XYLT1: variants seen among roughly 807,000 people sequenced by gnomAD.
XYLT1 encodes beta-D-xylosyltransferase 1.
In XYLT1, 36 loss-of-function variants were observed where a neutral mutation model predicts 91.3. That is an observed-to-expected ratio of 0.39 (90% CI 0.30 to 0.52). The LOEUF (loss-of-function observed/expected upper bound fraction) is 0.52, where lower values mean the gene tolerates loss of function less well. Among genes scored for constraint, XYLT1 ranks in the 20% least tolerant of loss-of-function variants. The pLI is 0.68. For missense variants in XYLT1, 1,242 were observed against 1,284.5 expected, an observed-to-expected ratio of 0.97 and a Z score of 0.51; for synonymous variants, 588 against 532.0, an observed-to-expected ratio of 1.11 and a Z score of -1.45.
chr16:17,445,140 C>T (rs777791271), intron 1 of XYLT1, among the ~76,000 whole-genome samples: 1 of 152,190 alleles, frequency 6.6e-6, no homozygotes, highest in Non-Finnish European at 1.5e-5. Flanking sequence ...GCTAGGACCA[C>T]AGGCACCAAC....
intron 2 of XYLT1, among the ~76,000 whole-genome samples, chr16:17,335,403 G>C (rs1225607237): frequency 5.3e-5 from 8 of 152,014 alleles, no homozygotes; most frequent in African/African-American, 1.2e-4. Context: ...AACACAGGAA[G>C]CCTTCCCATT....
intron 1 of XYLT1, among the ~76,000 whole-genome samples, chr16:17,404,583 C>T (rs1431398456): frequency 2.6e-5 from 4 of 152,104 alleles, no homozygotes; most frequent in African/African-American, 9.7e-5. Flanking sequence ...ATCCAGGAAG[C>T]CTCTCTGTCT....
In XYLT1 at chr16:17,141,322, G is replaced by T. The variant is rs1441281515; in HGVS notation, c.1418C>A (p.Ala473Asp). 1 of 1,614,188 alleles carries T rather than the reference G, an allele frequency of 6.2e-7. No homozygotes were observed. Among genetic ancestry groups the T allele is most frequent in the Admixed American group, 1.7e-5 (1 of 60,022 alleles). ...CCGATCTCCCAGGCGCCACATGTGA[G>T]CGTCGCACTCCAGGAAGAGCCGATC... ...GLDRLFLECDAHMWRLGDRRI... is the reference protein window; with the variant it reads ...GLDRLFLECDDHMWRLGDRRI... Residue 473 changes from alanine to aspartate, a missense_variant, in exon 7 of 12, where the codon GCT becomes GAT. This residue lies in a region of XYLT1 where 294 missense variants were observed against 376.0 expected (regional missense o/e 0.78). Transcript: ENST00000261381.
chr16:17,132,223 A>G (rs1382932339), intron 9 of XYLT1, among the ~76,000 whole-genome samples: 1 of 151,896 alleles, frequency 6.6e-6, no homozygotes, highest in African/African-American at 2.4e-5. Context: ...AGTGGGGGGG[A>G]GAGAGACTCC....
At chr16:17,356,060 G>A (rs2035290700) in intron 2 of XYLT1, among the ~76,000 whole-genome samples, 2 of 151,724 alleles carry the variant, frequency 1.3e-5, no homozygotes, top group South Asian at 4.2e-4. Context: ...GTGTGTTGTA[G>A]GATATTTAAC....
intron 1 of XYLT1, among the ~76,000 whole-genome samples, chr16:17,396,097 T>C (rs1034303014): frequency 3.9e-5 from 6 of 152,190 alleles, no homozygotes; most frequent in African/African-American, 1.4e-4. Context: ...TTGGGAAAGT[T>C]TGTCCCAGGC....
chr16:17,271,865 A>G (rs1316895067), intron 2 of XYLT1, among the ~76,000 whole-genome samples: 2 of 152,116 alleles, frequency 1.3e-5, no homozygotes, highest in Non-Finnish European at 2.9e-5. Context: ...TTTCCAACAG[A>G]AACAGACCCT....
chr16:17,275,817 G>C (rs1482485431), intron 2 of XYLT1, among the ~76,000 whole-genome samples: 3 of 152,096 alleles, frequency 2.0e-5, no homozygotes, highest in Non-Finnish European at 4.4e-5. Flanking sequence ...AAAACACCCA[G>C]TTTTCAAACT....
At chr16:17,239,431 C>G (rs963673507) in intron 3 of XYLT1, among the ~76,000 whole-genome samples, 3 of 150,320 alleles carry the variant, frequency 2.0e-5, no homozygotes, top group Non-Finnish European at 4.4e-5. Context: ...ATCCATCCAT[C>G]CATCTACTCA....
chr16:17,448,739 T>TG (rs1411774110), intron 1 of XYLT1, among the ~76,000 whole-genome samples: 2 of 130,884 alleles, frequency 1.5e-5, no homozygotes, highest in Non-Finnish European at 3.4e-5. Flanking sequence ...GGGAGGAGGG[T>TG]GGAGGAGGAG....
intron 8 of XYLT1, among the ~76,000 whole-genome samples, chr16:17,135,768 C>G (rs769491823): frequency 2.0e-5 from 3 of 152,190 alleles, no homozygotes; most frequent in Non-Finnish European, 2.9e-5. Flanking sequence ...AGGTGTTATA[C>G]TTTATATTCA....
intron 1 of XYLT1, among the ~76,000 whole-genome samples, chr16:17,365,609 C>G (rs964765812): frequency 2.6e-5 from 4 of 152,130 alleles, no homozygotes; most frequent in Non-Finnish European, 4.4e-5. Context: ...ATTGCGCGCT[C>G]TCTTTCTCTC....
intron 3 of XYLT1, among the ~76,000 whole-genome samples, chr16:17,231,608 A>T (rs1363563224): frequency 1.3e-5 from 2 of 152,216 alleles, no homozygotes; most frequent in Non-Finnish European, 2.9e-5. Flanking sequence ...GCAGTTACAC[A>T]AACCTACATG....
At chr16:17,354,471 G>A (rs948434034) in intron 2 of XYLT1, among the ~76,000 whole-genome samples, 4 of 152,290 alleles carry the variant, frequency 2.6e-5, no homozygotes, top group South Asian at 2.1e-4. Flanking sequence ...AGAGGGATGC[G>A]TGAAGGAAAG....
chr16:17,122,079 T>A lies in XYLT1; in HGVS notation c.2224-4100A>T, dbSNP rs147443853. ...TGCTATAAACATGCGTGTGCAAGAA[T>A]CTTTTTTGTATAATGACTTACTTTT... On this transcript the variant is annotated intron_variant, in intron 10 of 11. Coordinates refer to ENST00000261381, the MANE Select transcript of XYLT1 (RefSeq NM_022166.4). 6.8e-3 allele frequency among the ~76,000 whole-genome samples: 1,037 copies of A among 152,308 alleles called. 8 individuals carry two copies. The highest frequency in any genetic ancestry group is 0.023 in the African/African-American group (965 of 41,560).
chr16:17,314,646 G>C (rs1194029008), intron 2 of XYLT1, among the ~76,000 whole-genome samples: 2 of 152,180 alleles, frequency 1.3e-5, no homozygotes, highest in African/African-American at 4.8e-5. Flanking sequence ...GGCCTGTGAT[G>C]AAAGACACAG....
chr16:17,167,377 C>G (rs932979304), intron 5 of XYLT1, among the ~76,000 whole-genome samples: 5 of 152,238 alleles, frequency 3.3e-5, no homozygotes, highest in Admixed American at 1.3e-4. Flanking sequence ...CCTGTAAAAT[C>G]TGAAGTCCAG....
At chr16:17,458,883 C>T (rs1312442043) in intron 1 of XYLT1, among the ~76,000 whole-genome samples, 1 of 151,896 alleles carries the variant, frequency 6.6e-6, no homozygotes, top group East Asian at 1.9e-4. Context: ...AAGAAATATA[C>T]AGCGATTAAT....
intron 3 of XYLT1, among the ~76,000 whole-genome samples, chr16:17,232,271 CTAT>C (rs2033171004): frequency 1.4e-5 from 2 of 140,452 alleles, no homozygotes; most frequent in Non-Finnish European, 1.5e-5. Flanking sequence ...TTATTATAAT[CTAT>C]TATAATAAGA....
Sources: gnomAD v4.1 joint callset for allele counts (sites outside exome capture counted in the v4.1 genomes callset) on GRCh38, gnomAD v4.1.1 for gene constraint, gnomAD v4.1.1 regional missense constraint, MANE v1.5 for transcripts, NCBI Gene and HGNC (gene_info 2026-07-23, HGNC 2026-07-21) for gene names.